The following RNASE4 variants were observed in gnomAD, a reference collection of about 807,000 sequenced individuals.
The protein encoded by RNASE4 is ribonuclease A family member 4.
For missense variants in RNASE4, 194 were observed against 192.8 expected (o/e 1.01, Z -0.04); for synonymous variants, 93 against 71.4 (o/e 1.30, Z -1.52).
In RNASE4 at chr14:20,700,613, T is replaced by C. The variant is rs1343121141; in HGVS notation, c.*798T>C. ...GAAGGTACCTGAGAAGACTGTGCTATGGTATTATTTTTTTTCTCTGACTTT... is the reference window on the plus strand; with the variant it reads ...GAAGGTACCTGAGAAGACTGTGCTACGGTATTATTTTTTTTCTCTGACTTT... On this transcript the variant is annotated 3_prime_UTR_variant, in exon 2 of 2. Coordinates refer to ENST00000555835, the MANE Select transcript of RNASE4 (RefSeq NM_002937.5). 6.0e-6 allele frequency: 1 copy of C among 167,090 alleles called. No homozygotes were observed. Among genetic ancestry groups the C allele is most frequent in the Non-Finnish European group, 1.5e-5 (1 of 68,124 alleles). 10.4% of individuals were successfully genotyped at this position (167,090 alleles called of 1,614,324 possible).
Position 20,699,575 on chromosome 14 carries a change from G to A in RNASE4, c.204G>A (p.Lys68=). Residue 68 remains lysine (K), a synonymous_variant, in exon 2 of 2, where the codon AAG becomes AAA. Coordinates refer to ENST00000555835, the MANE Select transcript of RNASE4 (RefSeq NM_002937.5). ...QRRKMTLYHC[K]RFNTFIHEDI... is the part of the protein sequence containing the mutation. Reference sequence around the variant, plus strand: ...GGAAGATGACTTTGTATCACTGCAAGCGCTTCAACACCTTCATCCATGAAG... The same window carrying A: ...GGAAGATGACTTTGTATCACTGCAAACGCTTCAACACCTTCATCCATGAAG... The A allele has an allele frequency of 6.2e-7, 1 of 1,614,204 alleles. No individual in the cohort carries two copies. The highest frequency in any genetic ancestry group is 8.5e-7 in the Non-Finnish European group (1 of 1,180,046).
chr14:20,697,320 A>G (rs1999343), intron 1 of RNASE4, among the ~76,000 whole-genome samples: 8,288 of 152,316 alleles, frequency 0.054, 260 homozygotes, highest in Middle Eastern at 0.11. Flanking sequence ...TGCTGAAGCT[A>G]TAATCCAAGT....
At chr14:20,695,408 A>AAG (rs971846069) in intron 1 of RNASE4, among the ~76,000 whole-genome samples, 12 of 152,032 alleles carry the variant, frequency 7.9e-5, no homozygotes, top group Middle Eastern at 3.4e-3. Flanking sequence ...AAAAAAAAAA[A>AAG]AAGAAAGATC....
At position 20,693,724 on chromosome 14, in the gene RNASE4, A is replaced by C. The variant is rs912745240; in HGVS notation, c.-17-5631A>C. On this transcript the variant is annotated intron_variant, in intron 1 of 1. Coordinates refer to ENST00000555835, the MANE Select transcript of RNASE4 (RefSeq NM_002937.5). ...GGATGACAGATACTGTGAAAGCATC[A>C]TGAGGAGACGGGGCCTGACCTCACC... 3 of 1,614,104 alleles carry C rather than the reference A, an allele frequency of 1.9e-6. No individual in the cohort carries two copies. The African/African-American group carries it at 4.0e-5, about 22-fold the overall frequency.
At chr14:20,693,272 A>G (rs929410365) in intron 1 of RNASE4, among the ~76,000 whole-genome samples, 27 of 152,366 alleles carry the variant, frequency 1.8e-4, no homozygotes, top group Non-Finnish European at 4.0e-4. Flanking sequence ...GGATTTTGTA[A>G]TGTTACGACT....
Position 20,699,674 on chromosome 14 carries a change from G to C in RNASE4, c.303G>C (p.Glu101Asp). ...QCKNGKMNCHEGVVKVTDCRD... is the reference protein window; with the variant it reads ...QCKNGKMNCHDGVVKVTDCRD... Reference sequence around the variant, plus strand: ...AGAACGGCAAGATGAACTGCCATGAGGGTGTAGTGAAGGTCACAGATTGCA... The same window carrying C: ...AGAACGGCAAGATGAACTGCCATGACGGTGTAGTGAAGGTCACAGATTGCA... Residue 101 changes from glutamate (E) to aspartate (D), a missense_variant, in exon 2 of 2, where the codon GAG becomes GAC. By Grantham distance (45) the Glu-to-Asp change is conservative. Transcript: ENST00000555835. The C allele has an allele frequency of 6.2e-7, 1 of 1,610,936 alleles. No homozygotes were observed. The highest frequency in any genetic ancestry group is 8.5e-7 in the Non-Finnish European group (1 of 1,180,024).
chr14:20,688,145 G>A (rs8008227), intron 1 of RNASE4, among the ~76,000 whole-genome samples: 19,610 of 152,184 alleles, frequency 0.13, 1,343 homozygotes, highest in African/African-American at 0.17. Flanking sequence ...GACAGGTAAA[G>A]ATGGAAGAAG....
intron 1 of RNASE4, chr14:20,698,993 G>A (rs1887187228): frequency 5.7e-6 from 1 of 176,770 alleles, no homozygotes; most frequent in South Asian, 1.5e-4. Context: ...CACCTACGGA[G>A]TTCCCCCAAG....
At position 20,699,892 on chromosome 14, in the gene RNASE4, G is replaced by T; in HGVS notation, c.*77G>T. The T allele has an allele frequency of 1.6e-6, 2 of 1,269,614 alleles. No homozygotes were observed. The highest frequency in any genetic ancestry group is 2.3e-6 in the Non-Finnish European group (2 of 887,690). The allele number at this position is 1,269,614 out of a possible 1,614,324, so 78.6% of individuals were successfully genotyped here. ...AAATAGCAGTGAGTAATGCATTTGA[G>T]CTGTCCCAGGCTCTGTCTCCTCAGC... On this transcript the variant is annotated 3_prime_UTR_variant, in exon 2 of 2. Transcript: ENST00000555835.
chr14:20,697,294 C>T (rs1887125752), intron 1 of RNASE4, among the ~76,000 whole-genome samples: 1 of 152,110 alleles, frequency 6.6e-6, no homozygotes, highest in African/African-American at 2.4e-5. Context: ...GAAGAGCAAA[C>T]CAAAGTATAT....
chr14:20,691,454 A>G (rs1886741024), intron 1 of RNASE4, among the ~76,000 whole-genome samples: 1 of 152,248 alleles, frequency 6.6e-6, no homozygotes, highest in Non-Finnish European at 1.5e-5. Context: ...CATGATGTAA[A>G]TGTGAAGAAC....
At chr14:20,695,467 G>T (rs1045204035) in intron 1 of RNASE4, among the ~76,000 whole-genome samples, 3 of 150,974 alleles carry the variant, frequency 2.0e-5, no homozygotes, top group African/African-American at 7.3e-5. Flanking sequence ...CTCAAGATTT[G>T]TTTTTAAGTT....
At position 20,700,185 on chromosome 14, in the gene RNASE4, T is replaced by C. The variant is rs575034480; in HGVS notation, c.*370T>C. On this transcript the variant is annotated 3_prime_UTR_variant, in exon 2 of 2. Transcript: ENST00000555835. ...CAGCACTTATAATGATGTCACTACATATAGAAGCTCAAAGTTAAGGGATTT... is the reference window on the plus strand; with the variant it reads ...CAGCACTTATAATGATGTCACTACACATAGAAGCTCAAAGTTAAGGGATTT... The C allele has an allele frequency of 1.1e-5, 2 of 185,614 alleles. No homozygotes were observed. Among genetic ancestry groups the C allele is most frequent in the East Asian group, 3.1e-4 (2 of 6,426 alleles). The allele number at this position is 185,614 out of a possible 1,614,324, so 11.5% of individuals were successfully genotyped here.
At chr14:20,685,869 G>A (rs1179374762) in intron 1 of RNASE4, among the ~76,000 whole-genome samples, 1 of 151,790 alleles carries the variant, frequency 6.6e-6, no homozygotes, top group African/African-American at 2.4e-5. Context: ...GTGAAACCTC[G>A]TCTCTACTAA....
chr14:20,699,290 C>T (rs2139038271), intron 1 of RNASE4, 65 bp from the exon 2 acceptor site: 1 of 1,405,352 alleles, frequency 7.1e-7, no homozygotes, highest in East Asian at 2.3e-5. Flanking sequence ...GCTTGCTATT[C>T]TCAACACCTT....
chr14:20,695,488 A>G (rs1887059545), intron 1 of RNASE4, among the ~76,000 whole-genome samples: 1 of 152,174 alleles, frequency 6.6e-6, no homozygotes, highest in Non-Finnish European at 1.5e-5. Context: ...AACATAACTT[A>G]GGTTAACACA....
chr14:20,688,785 C>G, intron 1 of RNASE4: 1 of 985,374 alleles, frequency 1.0e-6, no homozygotes, highest in Non-Finnish European at 1.2e-6. Flanking sequence ...CAGGTTCACA[C>G]AACTGGAACC....
chr14:20,694,614 A>C (rs1887014705), intron 1 of RNASE4, among the ~76,000 whole-genome samples: 1 of 151,934 alleles, frequency 6.6e-6, no homozygotes. Context: ...TTTCCTTATC[A>C]GTCAGTTTTT....
At chr14:20,695,114 C>T (rs1887038839) in intron 1 of RNASE4, among the ~76,000 whole-genome samples, 1 of 151,942 alleles carries the variant, frequency 6.6e-6, no homozygotes, top group Admixed American at 6.6e-5. Context: ...ATAGAAGATT[C>T]CGGCCAGGCG....
Sources: gnomAD v4.1 joint callset for allele counts (sites outside exome capture counted in the v4.1 genomes callset) on GRCh38, gnomAD v4.1.1 for gene constraint, MANE v1.5 for transcripts, NCBI Gene and HGNC (gene_info 2026-07-23, HGNC 2026-07-21) for gene names.